Variants in DAB1 observed in about 807,000 individuals in gnomAD.
DAB1 encodes DAB adaptor protein 1, also known as disabled homolog 1.
A neutral mutation model predicts 64.6 loss-of-function variants in DAB1; 15 were observed. The observed-to-expected ratio is 0.23, with a 90% CI of 0.16 to 0.36. The LOEUF (loss-of-function observed/expected upper bound fraction) is 0.36. DAB1 is among the 10% of genes least tolerant of loss of function. The probability of loss-of-function intolerance (pLI) is 1.00; values close to 1 mark genes in which losing one functional copy is unlikely to be tolerated. For missense variants in DAB1, 596 were observed against 706.7 expected, an observed-to-expected ratio of 0.84 and a Z score of 1.78; for synonymous variants, 235 against 251.9, an observed-to-expected ratio of 0.93 and a Z score of 0.64.
intron 6 of DAB1, among the ~76,000 whole-genome samples, chr1:57,679,666 C>T (rs558245269): frequency 1.2e-4 from 19 of 152,346 alleles, no homozygotes; most frequent in East Asian, 3.9e-4. Context: ...CACGCACACA[C>T]GCCTGTTTAG....
intron 2 of DAB1, among the ~76,000 whole-genome samples, chr1:57,276,509 T>C (rs1032941935): frequency 3.9e-5 from 6 of 152,258 alleles, no homozygotes; most frequent in African/African-American, 1.2e-4. Flanking sequence ...GCCCTATGCA[T>C]AACACGAAAT....
chr1:58,303,962 G>T (rs1203681035), intron 4 of DAB1, among the ~76,000 whole-genome samples: 2 of 152,046 alleles, frequency 1.3e-5, no homozygotes, highest in African/African-American at 2.4e-5. Context: ...AGCTGGGGAT[G>T]AACAGTTGCT....
chr1:57,056,466 C>T (rs1649769689), intron 9 of DAB1, among the ~76,000 whole-genome samples: 1 of 143,792 alleles, frequency 7.0e-6, no homozygotes. Flanking sequence ...GACTGCAACA[C>T]TGCACTTCAG....
chr1:57,293,698 C>G (rs1314140111), intron 1 of DAB1, among the ~76,000 whole-genome samples: 1 of 152,138 alleles, frequency 6.6e-6, no homozygotes, highest in African/African-American at 2.4e-5. Context: ...TGGTCTTGGA[C>G]ACAGTAGGTA....
chr1:57,918,169 A>G (rs985678028), intron 5 of DAB1, among the ~76,000 whole-genome samples: 2 of 151,964 alleles, frequency 1.3e-5, no homozygotes, highest in Non-Finnish European at 2.9e-5. Flanking sequence ...ATCTCAATAA[A>G]GCCCTTAAAA....
chr1:57,441,466 C>T (rs1358532433), intron 7 of DAB1, among the ~76,000 whole-genome samples: 1 of 151,822 alleles, frequency 6.6e-6, no homozygotes, highest in Non-Finnish European at 1.5e-5. Context: ...AGCGATCCTG[C>T]CACTCAGCCC....
intron 2 of DAB1, among the ~76,000 whole-genome samples, chr1:57,168,719 T>G (rs1035265703): frequency 6.6e-6 from 1 of 152,188 alleles, no homozygotes; most frequent in South Asian, 2.1e-4. Context: ...CTTTACCAAA[T>G]GCCCCTTTCT....
chr1:57,248,608 A>C (rs1669080947), intron 2 of DAB1, among the ~76,000 whole-genome samples: 1 of 152,194 alleles, frequency 6.6e-6, no homozygotes, highest in Non-Finnish European at 1.5e-5. Context: ...CTACAAAAAC[A>C]GTGTTCAAAG....
At chr1:57,198,632 C>A (rs568600898) in intron 2 of DAB1, among the ~76,000 whole-genome samples, 136 of 137,302 alleles carry the variant, frequency 9.9e-4, no homozygotes, top group African/African-American at 3.8e-3. Context: ...TCCCTCCCTC[C>A]CTGCATCTTC....
chr1:57,025,170 G>C (rs914893045), intron 10 of DAB1, among the ~76,000 whole-genome samples: 4 of 152,246 alleles, frequency 2.6e-5, no homozygotes, highest in African/African-American at 9.6e-5. Flanking sequence ...TCCGGGAATG[G>C]GCAGGGGAGG....
intron 1 of DAB1, among the ~76,000 whole-genome samples, chr1:57,417,619 T>TTACTTACTTAC (rs1171486072): frequency 2.0e-5 from 3 of 152,180 alleles, no homozygotes; most frequent in African/African-American, 7.2e-5. Flanking sequence ...ATACCACATC[T>TTACTTACTTAC]TACTAAGAAC....
chr1:58,274,889 G>A (rs903645965), intron 4 of DAB1, among the ~76,000 whole-genome samples: 1 of 151,792 alleles, frequency 6.6e-6, no homozygotes, highest in African/African-American at 2.4e-5. Context: ...GCACCCACTG[G>A]CCTGCGCCCA....
At chr1:58,232,857 T>C (rs1659845968) in intron 4 of DAB1, among the ~76,000 whole-genome samples, 1 of 152,186 alleles carries the variant, frequency 6.6e-6, no homozygotes, top group South Asian at 2.1e-4. Context: ...CACATATAAA[T>C]AGCAGACTCT....
chr1:58,501,099 G>A (rs763956474), intron 3 of DAB1, among the ~76,000 whole-genome samples: 5 of 152,092 alleles, frequency 3.3e-5, no homozygotes, highest in Non-Finnish European at 5.9e-5. Context: ...ATTATTTCAA[G>A]TAAATAGAAT....
At chr1:57,212,602 C>T (rs182049) in intron 2 of DAB1, among the ~76,000 whole-genome samples, 5,094 of 151,924 alleles carry the variant, frequency 0.034, 115 homozygotes, top group African/African-American at 0.056. Flanking sequence ...CTCCTAACCT[C>T]GTGACCCACC....
chr1:58,300,584 GAAA>G (rs1662108063), intron 4 of DAB1, among the ~76,000 whole-genome samples: 1 of 22,566 alleles, frequency 4.4e-5, no homozygotes, highest in African/African-American at 1.2e-4. Context: ...AAGAAAGAAA[GAAA>G]GAAAGAAAGA....
chr1:57,587,610 T>C (rs186664171), intron 7 of DAB1, among the ~76,000 whole-genome samples: 2 of 152,216 alleles, frequency 1.3e-5, no homozygotes, highest in Non-Finnish European at 2.9e-5. Flanking sequence ...GTCATCTCCA[T>C]GATGAAGATA....
chr1:57,654,371 C>T (rs757134039), intron 6 of DAB1, among the ~76,000 whole-genome samples: 5 of 151,978 alleles, frequency 3.3e-5, no homozygotes, highest in Admixed American at 6.6e-5. Flanking sequence ...CACCAGAAGG[C>T]GACATTTAGT....
intron 4 of DAB1, among the ~76,000 whole-genome samples, chr1:58,161,249 C>T (rs889176668): frequency 3.9e-5 from 6 of 152,166 alleles, no homozygotes; most frequent in Non-Finnish European, 5.9e-5. Context: ...CCTTAGAGAG[C>T]GCAAGTTCAA....
Sources: allele counts gnomAD v4.1 joint callset (sites outside exome capture counted in the v4.1 genomes callset), GRCh38; gene constraint gnomAD v4.1.1; transcripts MANE v1.5; gene names NCBI Gene and HGNC (gene_info 2026-07-23, HGNC 2026-07-21).